Variants in LARGE1 observed in about 807,000 individuals in gnomAD.
The protein encoded by LARGE1 is LARGE xylosyl- and glucuronyltransferase 1.
LARGE1 carries 43 observed loss-of-function variants against 87.6 expected under a neutral mutation model. That is an observed-to-expected ratio of 0.49 (90% CI 0.38 to 0.63). LARGE1 has a LOEUF of 0.63. Ranked by LOEUF, LARGE1 falls within the 30% of genes least tolerant of loss-of-function variation. The probability of loss-of-function intolerance (pLI) is 0.00; values close to 1 mark genes in which losing one functional copy is unlikely to be tolerated. For missense variants in LARGE1, 802 were observed against 1,000.2 expected (o/e 0.80, Z 2.67); for synonymous variants, 434 against 394.6 (o/e 1.10, Z -1.18).
chr22:33,761,291 G>C (rs2084719785), intron 2 of LARGE1, 80 bp downstream of exon 2: 5 of 1,121,416 alleles, frequency 4.5e-6, no homozygotes, highest in Non-Finnish European at 6.8e-6. Context: ...AGATGGCTTT[G>C]AGTTTCTTTT....
At chr22:33,311,235 C>T (rs1177315212) in intron 11 of LARGE1, among the ~76,000 whole-genome samples, 1 of 152,152 alleles carries the variant, frequency 6.6e-6, no homozygotes, top group East Asian at 1.9e-4. Context: ...GCTGGGATTA[C>T]AGGCGTGAGC....
chr22:33,476,635 G>C (rs1193697378), intron 6 of LARGE1, among the ~76,000 whole-genome samples: 1 of 152,124 alleles, frequency 6.6e-6, no homozygotes, highest in African/African-American at 2.4e-5. Flanking sequence ...AGATACTTTG[G>C]GTTCATATGT....
At chr22:33,466,725 C>CACACACACA (rs1290873508) in intron 6 of LARGE1, among the ~76,000 whole-genome samples, 112 of 151,734 alleles carry the variant, frequency 7.4e-4, no homozygotes, top group African/African-American at 2.4e-3. Flanking sequence ...TACACACACA[C>CACACACACA]ACTACACACA....
intron 1 of LARGE1, among the ~76,000 whole-genome samples, chr22:33,878,432 T>C (rs2064555091): frequency 1.3e-5 from 2 of 152,132 alleles, no homozygotes; most frequent in African/African-American, 2.4e-5. Flanking sequence ...CCCGGCCAGC[T>C]TATATTGTAT....
chr22:33,295,725 G>C (rs1164210566), intron 12 of LARGE1, among the ~76,000 whole-genome samples: 1 of 152,200 alleles, frequency 6.6e-6, no homozygotes, highest in Non-Finnish European at 1.5e-5. Flanking sequence ...CAGGAGCTTT[G>C]TGGGGACAAC....
chr22:33,124,132 C>A, the LARGE1 span, among the ~76,000 whole-genome samples: 21 of 151,974 alleles, frequency 1.4e-4, no homozygotes, highest in African/African-American at 3.6e-4. Flanking sequence ...GCTAAAAATA[C>A]AAAAATTAGC....
intron 7 of LARGE1, among the ~76,000 whole-genome samples, chr22:33,395,658 T>C (rs1375757715): frequency 6.6e-6 from 1 of 152,182 alleles, no homozygotes; most frequent in Non-Finnish European, 1.5e-5. Context: ...TCAGACCACA[T>C]ACCTCCTTGG....
At chr22:33,668,174 G>T (rs918906190) in intron 2 of LARGE1, among the ~76,000 whole-genome samples, 1 of 152,164 alleles carries the variant, frequency 6.6e-6, no homozygotes, top group Admixed American at 6.5e-5. Context: ...GTTAATTATA[G>T]GTAAAGATAT....
chr22:33,682,478 A>C (rs1569367738), intron 2 of LARGE1, among the ~76,000 whole-genome samples: 1 of 152,086 alleles, frequency 6.6e-6, no homozygotes, highest in Non-Finnish European at 1.5e-5. Context: ...GGAAATTCTT[A>C]CTCAACTCTC....
At chr22:33,492,302 GC>G (rs760918166) in intron 6 of LARGE1, among the ~76,000 whole-genome samples, 36 of 152,288 alleles carry the variant, frequency 2.4e-4, no homozygotes, top group Non-Finnish European at 4.1e-4. Flanking sequence ...CAGGAAGCAG[GC>G]CCATCTTGAT....
intron 9 of LARGE1, among the ~76,000 whole-genome samples, chr22:33,350,356 A>G (rs1940244763): frequency 6.6e-6 from 1 of 152,176 alleles, no homozygotes; most frequent in Non-Finnish European, 1.5e-5. Flanking sequence ...CCTGCAGACA[A>G]CCCACACAAG....
intron 10 of LARGE1, among the ~76,000 whole-genome samples, chr22:33,318,226 C>T (rs1249210787): frequency 7.6e-6 from 1 of 132,238 alleles, no homozygotes; most frequent in Non-Finnish European, 1.6e-5. Context: ...CAGAGCGAGA[C>T]TCCATCTCAA....
At chr22:33,516,722 T>C (rs2071323200) in intron 6 of LARGE1, among the ~76,000 whole-genome samples, 1 of 152,098 alleles carries the variant, frequency 6.6e-6, no homozygotes, top group Non-Finnish European at 1.5e-5. Flanking sequence ...CCCAAGTAGC[T>C]GGGACTACAA....
At position 33,373,571 on chromosome 22, in the gene LARGE1, G is replaced by A. The variant is rs967485918; in HGVS notation, c.1131+8348C>T. 3.5e-4 allele frequency among the ~76,000 whole-genome samples: 54 copies of A among 152,148 alleles called. 1 individual carries two copies. Among genetic ancestry groups the A allele is most frequent in the Middle Eastern group, 3.4e-3 (1 of 292 alleles). On this transcript the variant is annotated intron_variant, in intron 9 of 14. Coordinates refer to ENST00000397394, the MANE Select transcript of LARGE1 (RefSeq NM_133642.5). ...CATACATCATTGCCTTCTGCTCTTC[G>A]TCTTTCTACCCTTGAGAAGGCCTGG...
the LARGE1 span, among the ~76,000 whole-genome samples, chr22:33,089,368 T>TCTTCTTCTTCTTCTTCTCCTCCTC: frequency 1.3e-5 from 1 of 78,212 alleles, no homozygotes; most frequent in African/African-American, 4.8e-5. Context: ...TTCTTCTTCT[T>TCTTCTTCTTCTTCTTCTCCTCCTC]CTCCTTCTTC....
chr22:33,155,930 G>T, the LARGE1 span, among the ~76,000 whole-genome samples: 2 of 151,028 alleles, frequency 1.3e-5, no homozygotes, highest in Non-Finnish European at 2.9e-5. Context: ...AGGGGCCAAG[G>T]TACAGCTCGG....
At chr22:33,079,249 A>G in the LARGE1 span, among the ~76,000 whole-genome samples, 1 of 115,326 alleles carries the variant, frequency 8.7e-6, no homozygotes, top group East Asian at 2.5e-4. Flanking sequence ...TTTTTTTTAG[A>G]CAGAGTCTCA....
intron 1 of LARGE1, among the ~76,000 whole-genome samples, chr22:33,868,409 G>A (rs939990376): frequency 1.3e-5 from 2 of 152,084 alleles, no homozygotes; most frequent in African/African-American, 2.4e-5. Flanking sequence ...GATGTCTAAG[G>A]GTCTTCCTGT....
At chr22:33,649,355 C>G (rs1470729704) in intron 3 of LARGE1, among the ~76,000 whole-genome samples, 1 of 152,172 alleles carries the variant, frequency 6.6e-6, no homozygotes, top group Admixed American at 6.6e-5. Flanking sequence ...GCAAAGCATT[C>G]TCTTTAGGGA....
Sources: allele counts gnomAD v4.1 joint callset (sites outside exome capture counted in the v4.1 genomes callset), GRCh38; gene constraint gnomAD v4.1.1; transcripts MANE v1.5; gene names NCBI Gene and HGNC (gene_info 2026-07-23, HGNC 2026-07-21).